USP24: variants seen among roughly 807,000 people sequenced by gnomAD.
USP24 encodes ubiquitin specific peptidase 24.
USP24 carries 97 observed loss-of-function variants against 361.6 expected under a neutral mutation model. That is an observed-to-expected ratio of 0.27 (90% confidence interval 0.23 to 0.32). The LOEUF is 0.32. Ranked by LOEUF, USP24 falls within the 10% of genes least tolerant of loss-of-function variation. USP24 has a pLI of 1.00. For missense variants in USP24, 2,353 were observed against 3,165.6 expected, an observed-to-expected ratio of 0.74 and a Z score of 6.16; for synonymous variants, 1,098 against 1,124.6, an observed-to-expected ratio of 0.98 and a Z score of 0.47.
At chr1:55,069,262 T>C (rs1033497912) in intron 67 of USP24, among the ~76,000 whole-genome samples, 155 bp from the exon 68 acceptor site, 2 of 152,264 alleles carry the variant, frequency 1.3e-5, no homozygotes, top group African/African-American at 2.4e-5. Flanking sequence ...CATCTAATAT[T>C]TGACAATTCA....
intron 24 of USP24, among the ~76,000 whole-genome samples, chr1:55,140,237 A>T (rs1213278276): frequency 6.6e-6 from 1 of 152,178 alleles, no homozygotes; most frequent in Non-Finnish European, 1.5e-5. Context: ...AACAAAAAGC[A>T]TACTCATTTA....
intron 1 of USP24, among the ~76,000 whole-genome samples, chr1:55,184,338 C>T (rs543787844): frequency 5.9e-5 from 9 of 152,194 alleles, no homozygotes; most frequent in Admixed American, 3.3e-4. Context: ...ATTATAGGCA[C>T]GAGCCACCAC....
chr1:55,145,919 A>G, intron 20 of USP24, 79 bp downstream of exon 20: 1 of 1,023,186 alleles, frequency 9.8e-7, no homozygotes, highest in Non-Finnish European at 1.5e-6. Context: ...GCTTCTGAGA[A>G]GGAGGATTAA....
At chr1:55,124,774 T>C in intron 34 of USP24, 146 bp from the exon 35 acceptor site, 1 of 800,820 alleles carries the variant, frequency 1.2e-6, no homozygotes, top group East Asian at 2.7e-5. Context: ...GCTGCCATCC[T>C]GCTCAAGGGC....
intron 25 of USP24, 72 bp downstream of exon 25, chr1:55,138,872 A>G (rs1293655987): frequency 3.3e-6 from 5 of 1,508,376 alleles, no homozygotes; most frequent in Non-Finnish European, 4.5e-6. Context: ...CAGCTGCTAG[A>G]AAGGCTGAGG....
chr1:55,092,716 C>A lies in USP24; in HGVS notation c.6450+105G>T. 3.6e-6 allele frequency: 3 copies of A among 843,060 alleles called. No homozygotes were observed. In the South Asian group the frequency reaches 5.3e-5, roughly 15 times the overall value. 52.2% of individuals were successfully genotyped at this position (843,060 alleles called of 1,614,324 possible). On this transcript the variant is annotated intron_variant, in intron 53 of 67. Coordinates refer to ENST00000294383, the MANE Select transcript of USP24 (RefSeq NM_015306.3). ...ACGGGAAAACCTTTTTGCATCTAAC[C>A]TGAATGCTAACTACTGAGACTGAGG...
rs768696279 is a variant in USP24, at chr1:55,148,453, A to G, written c.1968+10T>C. On this transcript the variant is annotated intron_variant, in intron 17 of 67. Transcript: ENST00000294383. ...GTAACTATAATAATAAAAAATAGCT[A>G]TACCCTTACCTTGTCTTGCTTTTGA... is the stretch of plus-strand genomic sequence containing the variant. The G allele has an allele frequency of 1.9e-5, 29 of 1,545,506 alleles. No individual in the cohort carries two copies. Among genetic ancestry groups the G allele is most frequent in the Non-Finnish European group, 2.4e-5 (27 of 1,141,766 alleles).
At chr1:55,199,004 A>C (rs769007766) in intron 1 of USP24, among the ~76,000 whole-genome samples, 29 of 152,200 alleles carry the variant, frequency 1.9e-4, no homozygotes, top group Non-Finnish European at 3.8e-4. Context: ...GAACATGATA[A>C]CCAGGACAGG....
In USP24 at chr1:55,088,104, C is replaced by T. The variant is rs567159153; in HGVS notation, c.6668+1523G>A. Among the ~76,000 whole-genome samples the T allele has an allele frequency of 5.9e-5, 9 of 152,268 alleles. No individual in the cohort carries two copies. The South Asian group carries it at 6.2e-4, about 11-fold the overall frequency. ...TTTTATTCTGAGAGCAACAGGATTC[C>T]GCTGAAGAATTTTTAACCAGAGAGG... On this transcript the variant is annotated intron_variant, in intron 55 of 67. Transcript: ENST00000294383.
chr1:55,134,224 T>C (rs1231509480), intron 29 of USP24, 61 bp from the exon 30 acceptor site: 9 of 1,576,356 alleles, frequency 5.7e-6, no homozygotes, highest in Non-Finnish European at 7.8e-6. Context: ...ACAAAGTCCA[T>C]TAGTATGGAA....
At chr1:55,149,379 C>T (rs1457690283) in intron 16 of USP24, among the ~76,000 whole-genome samples, 2 of 152,152 alleles carry the variant, frequency 1.3e-5, no homozygotes, top group African/African-American at 2.4e-5. Context: ...AAGTCCTCAG[C>T]ATTCTTCAGA....
chr1:55,087,974 G>C (rs1421691073), intron 55 of USP24, among the ~76,000 whole-genome samples: 1 of 152,204 alleles, frequency 6.6e-6, no homozygotes, highest in Non-Finnish European at 1.5e-5. Flanking sequence ...GAACCAATGA[G>C]CCAGTATGGC....
chr1:55,138,952 T>G lies in USP24; in HGVS notation c.2809A>C (p.Thr937Pro), dbSNP rs764097767. The G allele has an allele frequency of 1.2e-6, 2 of 1,612,686 alleles. No individual in the cohort carries two copies. The highest frequency in any genetic ancestry group is 1.7e-6 in the Non-Finnish European group (2 of 1,179,390). The change falls in exon 25 of 68, where the codon ACT (threonine) becomes CCT (proline). Residue 937 changes from threonine to proline, a missense_variant. Physicochemically the swap from Thr to Pro is conservative, Grantham distance 38 (BLOSUM62 -1). Around this residue, in one of 8 missense-constraint regions of USP24, gnomAD observed 949 missense variants for 1,280.5 expected, o/e 0.74. Transcript: ENST00000294383. ...LLLLAERYVI[T>P]IEDFYSVPRT... ...AAAAGGAAGTGGCTTACCTCTATAG[T>G]GATCACATAGCGCTCTGCCAGAAGC... is the stretch of plus-strand genomic sequence containing the variant.
In USP24 at chr1:55,129,443, G is replaced by A. The variant is rs757297883; in HGVS notation, c.3635+34C>T. On this transcript the variant is annotated intron_variant, in intron 32 of 67. Transcript: ENST00000294383. ...AACTAAAATAACTATATTCATTTTCGGCAACTCATGTAACATTACATTGAA... is the reference window on the plus strand; with the variant it reads ...AACTAAAATAACTATATTCATTTTCAGCAACTCATGTAACATTACATTGAA... The A allele has an allele frequency of 2.2e-5, 34 of 1,570,478 alleles. No homozygotes were observed. In the African/African-American group the frequency reaches 2.7e-4, roughly 12 times the overall value.
chr1:55,095,656 G>A (rs1407255310), intron 50 of USP24, among the ~76,000 whole-genome samples: 1 of 152,168 alleles, frequency 6.6e-6, no homozygotes, highest in Non-Finnish European at 1.5e-5. Flanking sequence ...GTATGGTAAT[G>A]GAGTAAGAGA....
At chr1:55,209,765 T>G (rs1460144497) in intron 1 of USP24, among the ~76,000 whole-genome samples, 1 of 152,176 alleles carries the variant, frequency 6.6e-6, no homozygotes, top group Non-Finnish European at 1.5e-5. Context: ...TGTTTACTTC[T>G]TATTTCTCTC....
At chr1:55,077,170 A>C in intron 62 of USP24, 65 bp downstream of exon 62, 1 of 1,320,670 alleles carries the variant, frequency 7.6e-7, no homozygotes, top group Non-Finnish European at 1.0e-6. Flanking sequence ...ATAATTTTTT[A>C]TTTATAAACA....
Position 55,068,569 on chromosome 1 carries a change from A to T in USP24, c.*476T>A, listed in dbSNP as rs1216190541. On this transcript the variant is annotated 3_prime_UTR_variant, in exon 68 of 68. Coordinates refer to ENST00000294383, the MANE Select transcript of USP24 (RefSeq NM_015306.3). ...TTACAATGAAAAGGAATTTTATTAC[A>T]TCTTTACATCATTTTAAATTGGATA... 3.2e-5 allele frequency: 5 copies of T among 155,014 alleles called. No homozygotes were observed. The highest frequency in any genetic ancestry group is 1.2e-4 in the African/African-American group (5 of 41,530). The allele number at this position is 155,014 out of a possible 1,614,324, so 9.6% of individuals were successfully genotyped here. A position where few individuals can be genotyped will look rare whatever the true frequency, so the allele number is the denominator to read the frequency against.
intron 3 of USP24, among the ~76,000 whole-genome samples, chr1:55,175,994 TAA>T (rs1452265949): frequency 6.6e-6 from 1 of 152,226 alleles, no homozygotes; most frequent in Admixed American, 6.5e-5. Context: ...CATATTTTGA[TAA>T]GTGTATACTG....
Sources: gnomAD v4.1 joint callset for allele counts (sites outside exome capture counted in the v4.1 genomes callset) on GRCh38, gnomAD v4.1.1 for gene constraint, gnomAD v4.1.1 regional missense constraint, MANE v1.5 for transcripts, NCBI Gene and HGNC (gene_info 2026-07-23, HGNC 2026-07-21) for gene names.